Variants in RNF19A observed in about 807,000 individuals in gnomAD.
The protein encoded by RNF19A is E3 ubiquitin-protein ligase RNF19A.
RNF19A carries 32 observed loss-of-function variants against 75.7 expected under a neutral mutation model. That is an observed-to-expected ratio of 0.42 (90% CI 0.32 to 0.57). The LOEUF (loss-of-function observed/expected upper bound fraction) is 0.57. Ranked by LOEUF, RNF19A falls within the 20% of genes least tolerant of loss-of-function variation. RNF19A has a pLI of 0.10. For synonymous variants in RNF19A, 335 were observed against 345.2 expected, an observed-to-expected ratio of 0.97 and a Z score of 0.33; for missense variants, 782 against 1,036.3, an observed-to-expected ratio of 0.75 and a Z score of 3.37.
chr8:100,288,192 G>A lies in RNF19A; in HGVS notation c.-18C>T. On this transcript the variant is annotated 5_prime_UTR_variant, in exon 2 of 10. Coordinates refer to ENST00000341084, the MANE Select transcript of RNF19A (RefSeq NM_183419.4). ...TCTTGCATTCACATTAAGTCATGAT[G>A]TAAGAATATCCTACTTGGTTCCTTC... 1 of 1,575,066 alleles carries A rather than the reference G, an allele frequency of 6.3e-7. No homozygotes were observed. The highest frequency in any genetic ancestry group is 8.6e-7 in the Non-Finnish European group (1 of 1,160,672).
chr8:100,303,174 G>A (rs1563865068), intron 1 of RNF19A: 1 of 152,450 alleles, frequency 6.6e-6, no homozygotes, highest in South Asian at 2.1e-4. Flanking sequence ...CTGGAGGCCA[G>A]AAGTCCAAAA....
Position 100,288,033 on chromosome 8 carries a change from C to T in RNF19A, c.142G>A (p.Ala48Thr). Residue 48 changes from alanine (A) to threonine (T), a missense_variant, in exon 2 of 10, where the codon GCT becomes ACT. Around this residue, in one of 7 missense-constraint regions of RNF19A, gnomAD observed 148 missense variants for 147.9 expected, o/e 1.00. Coordinates refer to ENST00000341084, the MANE Select transcript of RNF19A (RefSeq NM_183419.4). ...MGSDRDLQSS[A>T]SSVSLPSVKK... ...ACTGAAGGCAAGCTCACAGATGAAG[C>T]AGAGGACTGAAGATCTCGATCTGAA... 1 of 1,614,172 alleles carries T rather than the reference C, an allele frequency of 6.2e-7. No individual in the cohort carries two copies. The highest frequency in any genetic ancestry group is 8.5e-7 in the Non-Finnish European group (1 of 1,180,032).
intron 1 of RNF19A, among the ~76,000 whole-genome samples, chr8:100,304,419 CTAAGA>C (rs768891408): frequency 7.2e-5 from 11 of 152,142 alleles, no homozygotes; most frequent in Non-Finnish European, 1.3e-4. Context: ...ATCATATACC[CTAAGA>C]TAACAGGCTT....
chr8:100,297,625 A>C lies in RNF19A; in HGVS notation c.-93-9358T>G, dbSNP rs78116420. On this transcript the variant is annotated intron_variant, in intron 1 of 9. Coordinates refer to ENST00000341084, the MANE Select transcript of RNF19A (RefSeq NM_183419.4). ...TTCTCTTCACACAATGACTGGCTGA[A>C]TGGAGTAATTCTAGTGAGGCAGAAC... 6.9e-3 allele frequency among the ~76,000 whole-genome samples: 1,052 copies of C among 152,344 alleles called. 16 individuals are homozygous for C. The highest frequency in any genetic ancestry group is 0.024 in the African/African-American group (991 of 41,586).
chr8:100,258,627 G>C lies in RNF19A; in HGVS notation c.2446C>G (p.Leu816Val), dbSNP rs775217409. 3.1e-6 allele frequency: 5 copies of C among 1,613,992 alleles called. No individual in the cohort carries two copies. In the Admixed American group the frequency reaches 8.3e-5, roughly 27 times the overall value. Reference protein sequence around the residue: ...PNVDLYFGDALKETNNNHSHQ... With the variant: ...PNVDLYFGDAVKETNNNHSHQ... ...GAGTGGTTGTTATTTGTTTCTTTTA[G>C]TGCATCGCCAAAATATAAATCAACA... Residue 816 changes from leucine (L) to valine (V), a missense_variant, in exon 10 of 10, where the codon CTA (leucine) becomes GTA (valine). Leu to Val is a conservative substitution (Grantham distance 32). This residue lies in a region of RNF19A where 442 missense variants were observed against 541.6 expected (regional missense o/e 0.82). Transcript: ENST00000341084. The surrounding 1 kb of genome is among the most constrained non-coding windows in gnomAD (Gnocchi z 4.3).
chr8:100,329,356 G>C lies in RNF19A; in HGVS notation c.-243+6752C>G, dbSNP rs572531177. 6.6e-6 allele frequency among the ~76,000 whole-genome samples: 1 copy of C among 151,232 alleles called. No homozygotes were observed. The highest frequency in any genetic ancestry group is 1.9e-4 in the East Asian group (1 of 5,186). Reference sequence around the variant, plus strand: ...AAGGCCTGACTTGGCAGCCATTCATGAGGGAAAAAAAAAAGACTTGGGATT... The same window carrying C: ...AAGGCCTGACTTGGCAGCCATTCATCAGGGAAAAAAAAAAGACTTGGGATT... On this transcript the variant is annotated intron_variant, in intron 1 of 3. Transcript: ENST00000519527. The surrounding 1 kb of genome is among the most constrained non-coding windows in gnomAD (Gnocchi z 4.3).
At chr8:100,265,456 T>C (rs529459346) in intron 5 of RNF19A, among the ~76,000 whole-genome samples, 16 of 150,578 alleles carry the variant, frequency 1.1e-4, no homozygotes, top group Admixed American at 7.9e-4. Context: ...TGTTAATAAG[T>C]AGAATTTGAT....
At chr8:100,277,320 CTT>C (rs962014071) in intron 2 of RNF19A, among the ~76,000 whole-genome samples, 13 of 151,206 alleles carry the variant, frequency 8.6e-5, no homozygotes, top group African/African-American at 3.2e-4. Flanking sequence ...GTATCACACT[CTT>C]TTTTTTTGAG....
At chr8:100,315,648 T>C (rs925812741) in intron 1 of RNF19A, among the ~76,000 whole-genome samples, 1 of 152,062 alleles carries the variant, frequency 6.6e-6, no homozygotes, top group African/African-American at 2.4e-5. Flanking sequence ...TTCTTCGTCG[T>C]CTTGTTGTTG....
intron 3 of RNF19A, among the ~76,000 whole-genome samples, chr8:100,270,233 T>C (rs1012103163): frequency 2.0e-5 from 3 of 152,068 alleles, no homozygotes; most frequent in South Asian, 2.1e-4. Context: ...TAAAACATAG[T>C]AGTAAAACAA....
In RNF19A at chr8:100,287,587, G is replaced by C; in HGVS notation, c.588C>G (p.Val196=). The change falls in exon 2 of 10, where the codon GTC becomes GTG. Residue 196 remains valine (V), a synonymous_variant. Transcript: ENST00000341084. This position sits in a 1 kb window ranked among gnomAD's most constrained non-coding sequence, Gnocchi z 4.1. ...HDIRLILSDD[V]LMEKYEEFML... is the part of the protein sequence containing the mutation. ...TAAATTCTTCGTATTTTTCCATCAA[G>C]ACATCATCACTTAATATCAAGCGAA... The C allele has an allele frequency of 6.2e-7, 1 of 1,614,058 alleles. No homozygotes were observed. The highest frequency in any genetic ancestry group is 1.7e-5 in the Admixed American group (1 of 60,022).
In RNF19A at chr8:100,333,348, T is replaced by C. The variant is rs1271437082; in HGVS notation, c.-243+2760A>G. 6.6e-6 allele frequency among the ~76,000 whole-genome samples: 1 copy of C among 152,230 alleles called. No individual in the cohort carries two copies. Among genetic ancestry groups the C allele is most frequent in the East Asian group, 1.9e-4 (1 of 5,198 alleles). On this transcript the variant is annotated intron_variant, in intron 1 of 3. Coordinates refer to the RNF19A transcript ENST00000519527. The surrounding 1 kb of genome is among the most constrained non-coding windows in gnomAD (Gnocchi z 4.7). Reference sequence around the variant, plus strand: ...GGTATTATATTATAGCAGCACAAAATGGACTAAGACAGCTGTTGTCTTATA... The same window carrying C: ...GGTATTATATTATAGCAGCACAAAACGGACTAAGACAGCTGTTGTCTTATA...
Position 100,324,634 on chromosome 8 carries a change from A to G in RNF19A, c.-242-11262T>C, listed in dbSNP as rs1475985199. Among the ~76,000 whole-genome samples the G allele has an allele frequency of 6.6e-6, 1 of 152,124 alleles. No homozygotes were observed. Among genetic ancestry groups the G allele is most frequent in the African/African-American group, 2.4e-5 (1 of 41,412 alleles). On this transcript the variant is annotated intron_variant, in intron 1 of 3. Transcript: ENST00000519527. The surrounding 1 kb of genome is among the most constrained non-coding windows in gnomAD (Gnocchi z 4.2). The stretch of plus-strand genomic sequence containing the variant: ...AGGCTTCTAACATACATTTGCATTG[A>G]TTTTTCACAAACGAAGAATTTCCAA...
At chr8:100,319,693 C>A (rs1822436910) in intron 1 of RNF19A, among the ~76,000 whole-genome samples, 1 of 151,964 alleles carries the variant, frequency 6.6e-6, no homozygotes, top group South Asian at 2.1e-4. Flanking sequence ...CCATGCCCGG[C>A]TAATTTTTGT....
At chr8:100,308,447 A>G (rs11985538) in intron 1 of RNF19A, among the ~76,000 whole-genome samples, 8,850 of 152,236 alleles carry the variant, frequency 0.058, 848 homozygotes, top group African/African-American at 0.2. Context: ...TTCTAAATAG[A>G]GAAGTATTTA....
At chr8:100,318,515 T>C (rs1472020721) in intron 1 of RNF19A, among the ~76,000 whole-genome samples, 1 of 152,232 alleles carries the variant, frequency 6.6e-6, no homozygotes, top group Non-Finnish European at 1.5e-5. Flanking sequence ...AATTGTTATA[T>C]AACTGAAAAG....
intron 1 of RNF19A, among the ~76,000 whole-genome samples, chr8:100,319,249 A>T (rs1822429089): frequency 6.6e-6 from 1 of 152,160 alleles, no homozygotes; most frequent in Non-Finnish European, 1.5e-5. Context: ...ATTATGTTTT[A>T]TATGGTGATT....
chr8:100,296,808 C>A (rs997311646), intron 1 of RNF19A, among the ~76,000 whole-genome samples: 18 of 152,158 alleles, frequency 1.2e-4, no homozygotes, highest in African/African-American at 3.9e-4. Context: ...GAAAATAATT[C>A]TATTCCATTA....
chr8:100,290,377 T>C (rs777983081), intron 1 of RNF19A, among the ~76,000 whole-genome samples: 62 of 152,162 alleles, frequency 4.1e-4, no homozygotes, highest in Non-Finnish European at 6.5e-4. Context: ...GCTGGGATTA[T>C]AGACGTCAGC....
Sources: allele counts gnomAD v4.1 joint callset (sites outside exome capture counted in the v4.1 genomes callset), GRCh38; gene constraint gnomAD v4.1.1; regional missense constraint gnomAD v4.1.1; non-coding constraint Gnocchi (gnomAD v3.1); transcripts MANE v1.5; gene names NCBI Gene and HGNC (gene_info 2026-07-23, HGNC 2026-07-21).